Variants in GREB1L observed in about 807,000 individuals in gnomAD.
The protein encoded by GREB1L is GREB1 like retinoic acid receptor coactivator.
A neutral mutation model predicts 200.8 loss-of-function variants in GREB1L; 17 were observed. The ratio of observed to expected loss-of-function variants is 0.08; its 90% CI spans 0.06 to 0.13. The LOEUF (loss-of-function observed/expected upper bound fraction) is 0.13, where lower values mean the gene tolerates loss of function less well. Among genes scored for constraint, GREB1L ranks in the 10% least tolerant of loss-of-function variants. GREB1L has a pLI of 1.00. For missense variants in GREB1L, 1,657 were observed against 2,367.7 expected (o/e 0.70, Z 6.23); for synonymous variants, 789 against 893.0 (o/e 0.88, Z 2.08).
chr18:21,498,789 C>T (rs2036656718), intron 21 of GREB1L, among the ~76,000 whole-genome samples: 1 of 152,152 alleles, frequency 6.6e-6, no homozygotes, highest in South Asian at 2.1e-4. Flanking sequence ...GCAAGCTCTC[C>T]CCCAAGGCAG....
At chr18:21,342,351 A>G (rs2039281524) in intron 1 of GREB1L, among the ~76,000 whole-genome samples, 1 of 152,192 alleles carries the variant, frequency 6.6e-6, no homozygotes, top group Admixed American at 6.5e-5. Context: ...TCTAGGCTTC[A>G]CTGCCTCAAA....
At chr18:21,468,946 A>G in intron 15 of GREB1L, 1 of 353,750 alleles carries the variant, frequency 2.8e-6, no homozygotes, top group Non-Finnish European at 5.6e-6. Flanking sequence ...GCATCATGTC[A>G]GGGAGTACAT....
At chr18:21,457,862 T>A (rs1210640952) in intron 15 of GREB1L, among the ~76,000 whole-genome samples, 2 of 151,964 alleles carry the variant, frequency 1.3e-5, no homozygotes, top group Non-Finnish European at 2.9e-5. Flanking sequence ...AGAAAGTTTT[T>A]AAGAAATCAT....
At position 21,282,867 on chromosome 18, in the gene GREB1L, G is replaced by A. The variant is rs1217180253; in HGVS notation, c.-120+40474G>A. 2.0e-5 allele frequency among the ~76,000 whole-genome samples: 3 copies of A among 152,130 alleles called. No individual in the cohort carries two copies. The East Asian group carries it at 5.8e-4, about 29-fold the overall frequency. ...CCTGCCTTGGCCTCCCAAAGTGCTG[G>A]GATTACAGGCGTGAGCCACTGCACC... is the stretch of plus-strand genomic sequence containing the variant. On this transcript the variant is annotated intron_variant, in intron 1 of 32. Coordinates refer to ENST00000424526, the MANE Select transcript of GREB1L (RefSeq NM_001142966.3).
chr18:21,512,971 G>T (rs11083182), intron 27 of GREB1L, among the ~76,000 whole-genome samples: 3 of 151,786 alleles, frequency 2.0e-5, no homozygotes, highest in Admixed American at 6.6e-5. Flanking sequence ...TTCATTTTAC[G>T]ATGGCCCACT....
At chr18:21,502,015 C>G (rs139857062) in intron 23 of GREB1L, among the ~76,000 whole-genome samples, 1 of 152,284 alleles carries the variant, frequency 6.6e-6, no homozygotes, top group South Asian at 2.1e-4. Context: ...AATCCCAGCA[C>G]TTTGGGAGGC....
In GREB1L at chr18:21,451,063, C is replaced by T. The variant is rs1283919698; in HGVS notation, c.1761C>T (p.Thr587=). Residue 587 remains threonine, a synonymous_variant, in exon 13 of 33, where the codon ACC becomes ACT. Coordinates refer to ENST00000424526, the MANE Select transcript of GREB1L (RefSeq NM_001142966.3). ...QSRALAESML[T]TSEFLKEISY... Reference sequence around the variant, plus strand: ...GAGCTCTGGCAGAGAGCATGCTCACCACAAGTGAGTTTTTGAAAGAAATTA... The same window carrying T: ...GAGCTCTGGCAGAGAGCATGCTCACTACAAGTGAGTTTTTGAAAGAAATTA... The T allele has an allele frequency of 1.9e-6, 3 of 1,551,912 alleles. No homozygotes were observed. The highest frequency in any genetic ancestry group is 3.9e-5 in the Admixed American group (2 of 51,002).
intron 1 of GREB1L, among the ~76,000 whole-genome samples, chr18:21,249,860 T>TAAAAA (rs78648006): frequency 7.4e-6 from 1 of 134,540 alleles, no homozygotes; most frequent in Non-Finnish European, 1.6e-5. Context: ...ACTCTGTCTT[T>TAAAAA]AAAAAAAAAA....
Position 21,485,704 on chromosome 18 carries a change from C to G in GREB1L, c.2641C>G (p.Leu881Val), listed in dbSNP as rs775869126. 5 of 1,551,516 alleles carry G rather than the reference C, an allele frequency of 3.2e-6. No homozygotes were observed. In the South Asian group the frequency reaches 4.8e-5, roughly 15 times the overall value. The change falls in exon 18 of 33, where the codon CTG (leucine) becomes GTG (valine). Residue 881 changes from leucine to valine, a missense_variant. Leu to Val is a conservative substitution (Grantham distance 32, BLOSUM62 1). Transcript: ENST00000424526. ...GCAGTGGGGGATCACGAGCCCACTT[C>G]TGAGATGTGACGAGACTTTTGAAAA... Reference protein sequence around the residue: ...SLQWGITSPLLRCDETFEKMV... With the variant: ...SLQWGITSPLVRCDETFEKMV...
At chr18:21,357,718 A>G (rs2039525571) in intron 1 of GREB1L, among the ~76,000 whole-genome samples, 2 of 152,202 alleles carry the variant, frequency 1.3e-5, no homozygotes, top group Non-Finnish European at 2.9e-5. Flanking sequence ...CAGTTATTGA[A>G]GAGACTGTTC....
intron 1 of GREB1L, among the ~76,000 whole-genome samples, chr18:21,360,385 A>ATTT (rs59582263): frequency 1.0e-4 from 15 of 145,962 alleles, no homozygotes; most frequent in African/African-American, 3.7e-4. Context: ...CACCTAGCTA[A>ATTT]TTTTTTTTTT....
chr18:21,385,470 G>A (rs1321027689), intron 4 of GREB1L, among the ~76,000 whole-genome samples: 1 of 151,274 alleles, frequency 6.6e-6, no homozygotes, highest in Non-Finnish European at 1.5e-5. Context: ...CTTCTTAAGT[G>A]CCCAATTCAC....
intron 17 of GREB1L, among the ~76,000 whole-genome samples, chr18:21,478,971 T>G (rs1184673262): frequency 6.6e-6 from 1 of 152,180 alleles, no homozygotes; most frequent in African/African-American, 2.4e-5. Context: ...AACCTCCACC[T>G]CCCAGGTTCA....
At chr18:21,343,609 A>C (rs1019312592) in intron 1 of GREB1L, among the ~76,000 whole-genome samples, 1 of 152,164 alleles carries the variant, frequency 6.6e-6, no homozygotes, top group Non-Finnish European at 1.5e-5. Flanking sequence ...GTCCCTGGTC[A>C]CAGAATTTAT....
At chr18:21,372,095 A>G (rs186059180) in intron 2 of GREB1L, among the ~76,000 whole-genome samples, 1 of 152,198 alleles carries the variant, frequency 6.6e-6, no homozygotes, top group Non-Finnish European at 1.5e-5. Flanking sequence ...TTAGAAAGTG[A>G]CATCTGTAAA....
chr18:21,403,780 T>G, intron 6 of GREB1L, 92 bp from the exon 7 acceptor site: 2 of 1,089,290 alleles, frequency 1.8e-6, no homozygotes, highest in Non-Finnish European at 1.3e-6. Flanking sequence ...GGAGCAGCGA[T>G]TTAATTTAGA....
At chr18:21,388,859 T>C (rs1411633447) in intron 4 of GREB1L, among the ~76,000 whole-genome samples, 2 of 152,056 alleles carry the variant, frequency 1.3e-5, no homozygotes, top group African/African-American at 4.8e-5. Context: ...TCATTTGATG[T>C]TTTTCTCCTT....
intron 6 of GREB1L, chr18:21,401,712 A>G (rs1173013207): frequency 6.3e-6 from 1 of 159,452 alleles, no homozygotes. Context: ...TATTTTAACT[A>G]GACCTAAACA....
chr18:21,479,746 T>C (rs1202166923), intron 17 of GREB1L, among the ~76,000 whole-genome samples: 1 of 152,138 alleles, frequency 6.6e-6, no homozygotes, highest in Non-Finnish European at 1.5e-5. Flanking sequence ...ATTACAGTTA[T>C]TTATTTTTAC....
Sources: allele counts gnomAD v4.1 joint callset (sites outside exome capture counted in the v4.1 genomes callset), GRCh38; gene constraint gnomAD v4.1.1; transcripts MANE v1.5; gene names NCBI Gene and HGNC (gene_info 2026-07-23, HGNC 2026-07-21).